Variants in ATP6V0A2 observed in about 807,000 individuals in gnomAD.
ATP6V0A2 encodes the protein V-type proton ATPase 116 kDa subunit a 2.
In ATP6V0A2, 58 loss-of-function variants were observed where a neutral mutation model predicts 104.4. That is an observed-to-expected ratio of 0.56 (90% confidence interval 0.45 to 0.69). ATP6V0A2 has a LOEUF of 0.69. ATP6V0A2 is among the 30% of genes least tolerant of loss of function. The pLI is 0.00. For missense variants in ATP6V0A2, 938 were observed against 1,062.9 expected (o/e 0.88, Z 1.63); for synonymous variants, 376 against 397.9 (o/e 0.95, Z 0.65).
chr12:123,742,523 A>G (rs547967535), intron 9 of ATP6V0A2, among the ~76,000 whole-genome samples: 1 of 152,288 alleles, frequency 6.6e-6, no homozygotes, highest in African/African-American at 2.4e-5. Flanking sequence ...CCAGAACCCC[A>G]TTACATGCAT....
chr12:123,730,182 G>A (rs1030302936), intron 6 of ATP6V0A2, among the ~76,000 whole-genome samples: 1 of 150,644 alleles, frequency 6.6e-6, no homozygotes, highest in African/African-American at 2.4e-5. Flanking sequence ...AGCCTCTCAA[G>A]TAGCTGGGAC....
At chr12:123,751,820 T>A (rs1237420712) in intron 16 of ATP6V0A2, among the ~76,000 whole-genome samples, 1 of 147,514 alleles carries the variant, frequency 6.8e-6, no homozygotes, top group Non-Finnish European at 1.5e-5. Context: ...CTTAATTTCT[T>A]CTTTAAGATT....
At chr12:123,728,916 A>G (rs1956473780) in intron 6 of ATP6V0A2, among the ~76,000 whole-genome samples, 1 of 151,578 alleles carries the variant, frequency 6.6e-6, no homozygotes, top group Non-Finnish European at 1.5e-5. Flanking sequence ...CGCTCTGATC[A>G]CTTGATTAGT....
chr12:123,744,474 A>G lies in ATP6V0A2; in HGVS notation c.1327-123A>G. The stretch of plus-strand genomic sequence containing the variant: ...GTGTGGCCTGTCAGCTGCGGCTGAC[A>G]GGGATGTCTGCGGGGCGAGGCTGTT... On this transcript the variant is annotated intron_variant, in intron 11 of 19. Transcript: ENST00000330342. The surrounding 1 kb of genome is among the most constrained non-coding windows in gnomAD (Gnocchi z 5.4). 2 of 1,558,342 alleles carry G rather than the reference A, an allele frequency of 1.3e-6. No individual in the cohort carries two copies. Among genetic ancestry groups the G allele is most frequent in the Non-Finnish European group, 1.8e-6 (2 of 1,134,726 alleles).
intron 5 of ATP6V0A2, among the ~76,000 whole-genome samples, chr12:123,727,565 CTG>C (rs1956460341): frequency 6.6e-6 from 1 of 152,226 alleles, no homozygotes; most frequent in Non-Finnish European, 1.5e-5. Flanking sequence ...GCATGAGCCA[CTG>C]TGCCCAGCCA....
At chr12:123,754,581 C>A in intron 18 of ATP6V0A2, 44 bp downstream of exon 18, 2 of 1,365,500 alleles carry the variant, frequency 1.5e-6, no homozygotes, top group Non-Finnish European at 2.1e-6. Flanking sequence ...CCCTGTAGTG[C>A]CAGCAGACTC....
chr12:123,737,610 A>G (rs958054836), intron 9 of ATP6V0A2: 6 of 335,546 alleles, frequency 1.8e-5, no homozygotes, highest in African/African-American at 8.5e-5. Flanking sequence ...ATGTGAGTAC[A>G]TGTGTTTTTA....
At chr12:123,737,799 G>C (rs895495132) in intron 9 of ATP6V0A2, 1 of 168,316 alleles carries the variant, frequency 5.9e-6, no homozygotes, top group African/African-American at 2.4e-5. Context: ...CTGTAGATAA[G>C]CAGATAGGAG....
chr12:123,751,279 G>A (rs372133434), intron 16 of ATP6V0A2, 50 bp downstream of exon 16: 35 of 1,613,466 alleles, frequency 2.2e-5, no homozygotes, highest in Non-Finnish European at 2.7e-5. Context: ...GCTTGCTTTC[G>A]GTTATACAAG....
In ATP6V0A2 at chr12:123,733,914, C is replaced by CA; in HGVS notation, c.649-11dup. On this transcript the variant is annotated splice_polypyrimidine_tract_variant and intron_variant, in intron 6 of 19. Transcript: ENST00000330342. ...CGCAGAAATAACACTTATCCTTATT[C>CA]ATTCTTTGTAGGGGGAAGTCATAAA... 1 of 1,598,006 alleles carries CA rather than the reference C, an allele frequency of 6.3e-7. No individual in the cohort carries two copies. Among genetic ancestry groups the CA allele is most frequent in the South Asian group, 1.1e-5 (1 of 90,786 alleles).
Position 123,748,360 on chromosome 12 carries a change from G to A in ATP6V0A2, c.1725-215G>A, listed in dbSNP as rs550354218. Among the ~76,000 whole-genome samples, 5 of 152,346 alleles carry A rather than the reference G, an allele frequency of 3.3e-5. No homozygotes were observed. The South Asian group carries it at 1.0e-3, about 32-fold the overall frequency. On this transcript the variant is annotated intron_variant, in intron 14 of 19. Coordinates refer to ENST00000330342, the MANE Select transcript of ATP6V0A2 (RefSeq NM_012463.4). ...AAGGGAACTAAGGAAGAAAGTTTGA[G>A]TGAGATTTGACCGCAAAAACTGTAG...
chr12:123,717,364 G>A (rs1302846443), intron 1 of ATP6V0A2, among the ~76,000 whole-genome samples: 1 of 149,566 alleles, frequency 6.7e-6, no homozygotes, highest in East Asian at 1.9e-4. Context: ...TGTTGCATGG[G>A]TCAGTAGTTC....
intron 15 of ATP6V0A2, among the ~76,000 whole-genome samples, chr12:123,749,351 C>T (rs1391235093): frequency 6.6e-6 from 1 of 152,096 alleles, no homozygotes; most frequent in African/African-American, 2.4e-5. Context: ...TGAGGGCTGC[C>T]CAGTCCCCCC....
intron 9 of ATP6V0A2, among the ~76,000 whole-genome samples, chr12:123,739,490 G>A (rs377444194): frequency 1.3e-5 from 2 of 151,788 alleles, no homozygotes; most frequent in African/African-American, 2.4e-5. Context: ...TTTTTCTGTC[G>A]CCAAGATTGA....
chr12:123,729,981 G>GA (rs1362441271), intron 6 of ATP6V0A2, among the ~76,000 whole-genome samples: 1 of 146,154 alleles, frequency 6.8e-6, no homozygotes, highest in East Asian at 2.1e-4. Flanking sequence ...CACATCTGCT[G>GA]AATTTTTTTA....
Position 123,747,630 on chromosome 12 carries a change from C to T in ATP6V0A2, c.1629C>T (p.Arg543=). The change falls in exon 14 of 20, where the codon CGC becomes CGT. Residue 543 remains arginine (R), a synonymous_variant. Transcript: ENST00000330342. ...AGATTTGGAACTTGGCCACAAATCG[C>T]CTCACTTTTCTAAACTCTTTCAAAA... ...IDPIWNLATN[R]LTFLNSFKMK... is the part of the protein sequence containing the mutation. 1 of 1,613,326 alleles carries T rather than the reference C, an allele frequency of 6.2e-7. No homozygotes were observed. Among genetic ancestry groups the T allele is most frequent in the Non-Finnish European group, 8.5e-7 (1 of 1,179,240 alleles).
At chr12:123,725,004 C>T (rs1273980208) in intron 4 of ATP6V0A2, among the ~76,000 whole-genome samples, 1 of 152,098 alleles carries the variant, frequency 6.6e-6, no homozygotes, top group Non-Finnish European at 1.5e-5. Flanking sequence ...GGCACAATCT[C>T]GGCTCACTGC....
At chr12:123,714,167 G>T (rs1265785384) in intron 1 of ATP6V0A2, among the ~76,000 whole-genome samples, 1 of 152,184 alleles carries the variant, frequency 6.6e-6, no homozygotes, top group Non-Finnish European at 1.5e-5. Context: ...AGTCTTACAG[G>T]TTTGAGCAAA....
chr12:123,757,888 C>T, intron 19 of ATP6V0A2, 39 bp from the exon 20 acceptor site: 1 of 1,265,026 alleles, frequency 7.9e-7, no homozygotes, highest in Non-Finnish European at 1.1e-6. Flanking sequence ...AATGTGATTT[C>T]ATAATCTTCC....
Sources: allele counts gnomAD v4.1 joint callset (sites outside exome capture counted in the v4.1 genomes callset), GRCh38; gene constraint gnomAD v4.1.1; non-coding constraint Gnocchi (gnomAD v3.1); transcripts MANE v1.5; gene names NCBI Gene and HGNC (gene_info 2026-07-23, HGNC 2026-07-21).